The following PPP2CB variants were observed in gnomAD, a reference collection of about 807,000 sequenced individuals.
PPP2CB encodes protein phosphatase 2 catalytic subunit beta.
Under a neutral mutation model 39.1 loss-of-function variants are expected in PPP2CB, and 18 were observed. The ratio of observed to expected loss-of-function variants is 0.46; its 90% CI spans 0.32 to 0.68. The LOEUF (loss-of-function observed/expected upper bound fraction) is 0.68. Among genes scored for constraint, PPP2CB ranks in the 30% least tolerant of loss-of-function variants. The probability of loss-of-function intolerance (pLI) is 0.04; values close to 1 mark genes in which losing one functional copy is unlikely to be tolerated. For missense variants in PPP2CB, 226 were observed against 396.9 expected (o/e 0.57, Z 3.66); for synonymous variants, 129 against 133.8 (o/e 0.96, Z 0.25).
intron 3 of PPP2CB, among the ~76,000 whole-genome samples, chr8:30,796,872 GGGTTTT>G (rs1343677263): frequency 1.3e-5 from 2 of 152,148 alleles, no homozygotes; most frequent in African/African-American, 4.8e-5. Flanking sequence ...CTTTGAGATG[GGGTTTT>G]GCTGTTGCCC....
rs1387855503 is a variant in PPP2CB at position 30,788,610 on chromosome 8, T to C, written c.858-2303A>G. On this transcript the variant is annotated intron_variant, in intron 6 of 6. Coordinates refer to ENST00000221138, the MANE Select transcript of PPP2CB (RefSeq NM_001009552.2). Reference sequence around the variant, plus strand: ...GGAGAATATCCTTTTAAGAATCTAATCTTCTTAAATTGCCTGAGGCATGTT... The same window carrying C: ...GGAGAATATCCTTTTAAGAATCTAACCTTCTTAAATTGCCTGAGGCATGTT... 2.6e-5 allele frequency among the ~76,000 whole-genome samples: 4 copies of C among 152,244 alleles called. No individual in the cohort carries two copies. The South Asian group carries it at 6.2e-4, about 24-fold the overall frequency.
chr8:30,808,922 CTTTTTTTTTTTT>C (rs34287210), intron 1 of PPP2CB, among the ~76,000 whole-genome samples: 12,436 of 116,952 alleles, frequency 0.11, 624 homozygotes, highest in Middle Eastern at 0.15. Flanking sequence ...TTTACATGGC[CTTTTTTTTTTTT>C]TTTTTTTTTT....
chr8:30,799,717 C>A lies in PPP2CB; in HGVS notation c.141G>T (p.Glu47Asp), dbSNP rs1483776675. 4 of 1,613,832 alleles carry A rather than the reference C, an allele frequency of 2.5e-6. No individual in the cohort carries two copies. The highest frequency in any genetic ancestry group is 3.4e-6 in the Non-Finnish European group (4 of 1,179,962). The change falls in exon 2 of 7, where the codon GAG (glutamate) becomes GAT (aspartate). Residue 47 changes from glutamate to aspartate, a missense_variant. By Grantham distance (45) the Glu-to-Asp change is conservative. This residue lies in a region of PPP2CB where 110 missense variants were observed against 244.1 expected (regional missense o/e 0.45). Coordinates refer to ENST00000221138, the MANE Select transcript of PPP2CB (RefSeq NM_001009552.2). ...EILTKESNVQ[E>D]VRCPVTVCGD... ...CACAGACAGTAACAGGGCAACGAAC[C>A]TCTTGCACATTTGATTCTTTTGTTA... is the stretch of plus-strand genomic sequence containing the variant.
chr8:30,793,970 T>G lies in PPP2CB; in HGVS notation c.685A>C (p.Asn229His). The change falls in exon 5 of 7, where the codon AAC becomes CAC. Residue 229 changes from asparagine to histidine, a missense_variant. By Grantham distance (68) the Asn-to-His change is moderately conservative. Around this residue, in one of 4 missense-constraint regions of PPP2CB, gnomAD observed 110 missense variants for 244.1 expected, o/e 0.45. Coordinates refer to ENST00000221138, the MANE Select transcript of PPP2CB (RefSeq NM_001009552.2). The part of the protein sequence containing the change: ...TFGQDISETF[N>H]HANGLTLVSR... ...ACCAGTGTGAGACCATTGGCATGGT[T>G]AAAGGTTTCAGAAATGTCTTGTCCA... The G allele has an allele frequency of 6.2e-7, 1 of 1,614,044 alleles. No homozygotes were observed. The highest frequency in any genetic ancestry group is 8.5e-7 in the Non-Finnish European group (1 of 1,179,982).
intron 6 of PPP2CB, among the ~76,000 whole-genome samples, chr8:30,789,051 T>C (rs1227095587): frequency 2.5e-5 from 3 of 119,238 alleles, no homozygotes. Flanking sequence ...TGTTTTTACT[T>C]TTTTTTTTTT....
chr8:30,806,609 A>C lies in PPP2CB; in HGVS notation c.102+5711T>G, dbSNP rs559682058. The stretch of plus-strand genomic sequence containing the variant: ...TATCATTCTTCTTAGAAAAAACTAC[A>C]TTCAGAAAACAATCTAGGAAAATTA... On this transcript the variant is annotated intron_variant, in intron 1 of 6. Transcript: ENST00000221138. 9.5e-4 allele frequency among the ~76,000 whole-genome samples: 145 copies of C among 152,340 alleles called. 1 individual carries two copies. The South Asian group carries it at 0.019, about 20-fold the overall frequency.
Position 30,812,409 on chromosome 8 carries a change from C to G in PPP2CB, c.13G>C (p.Ala5Pro), listed in dbSNP as rs1248095934. The G allele has an allele frequency of 6.5e-7, 1 of 1,537,758 alleles. No homozygotes were observed. Among genetic ancestry groups the G allele is most frequent in the African/African-American group, 1.4e-5 (1 of 70,640 alleles). Residue 5 changes from alanine to proline, a missense_variant, in exon 1 of 7, where the codon GCG becomes CCG. Around this residue, in one of 4 missense-constraint regions of PPP2CB, gnomAD observed 59 missense variants for 42.6 expected, o/e 1.38. Coordinates refer to ENST00000221138, the MANE Select transcript of PPP2CB (RefSeq NM_001009552.2). MDDK[A>P]FTKELDQWVE... ...CACTGGTCCAGCTCCTTGGTGAACG[C>G]CTTGTCGTCCATGGCGGCCCGATCC...
At chr8:30,809,269 C>G (rs1273905719) in intron 1 of PPP2CB, among the ~76,000 whole-genome samples, 2 of 152,038 alleles carry the variant, frequency 1.3e-5, no homozygotes, top group Non-Finnish European at 2.9e-5. Flanking sequence ...TACATATTAT[C>G]TCTGTCATAA....
In PPP2CB at chr8:30,812,456, G is replaced by T; in HGVS notation, c.-35C>A. 7.0e-7 allele frequency: 1 copy of T among 1,433,098 alleles called. No individual in the cohort carries two copies. Among genetic ancestry groups the T allele is most frequent in the Non-Finnish European group, 9.3e-7 (1 of 1,079,580 alleles). 88.8% of individuals were successfully genotyped at this position (1,433,098 alleles called of 1,614,324 possible). ...ATCCCGATGCGGATCCCGAGCCCCA[G>T]CCCGGCCGCCGCCCTCCCCCCTCCC... On this transcript the variant is annotated 5_prime_UTR_variant, in exon 1 of 7. It adds an upstream start codon to the 5' untranslated region. Coordinates refer to ENST00000221138, the MANE Select transcript of PPP2CB (RefSeq NM_001009552.2).
chr8:30,812,093 G>C (rs1334859600), intron 1 of PPP2CB, among the ~76,000 whole-genome samples: 3 of 152,042 alleles, frequency 2.0e-5, no homozygotes, highest in Non-Finnish European at 4.4e-5. Context: ...CTGGGCAGCC[G>C]GCCGGGGGCG....
At chr8:30,806,673 A>G (rs1774732054) in intron 1 of PPP2CB, among the ~76,000 whole-genome samples, 1 of 152,228 alleles carries the variant, frequency 6.6e-6, no homozygotes, top group African/African-American at 2.4e-5. Context: ...TGGCATTTTC[A>G]TTTCCTTTTA....
At position 30,797,565 on chromosome 8, in the gene PPP2CB, G is replaced by C. The variant is rs761073904; in HGVS notation, c.486+16C>G. On this transcript the variant is annotated intron_variant, in intron 3 of 6. Coordinates refer to ENST00000221138, the MANE Select transcript of PPP2CB (RefSeq NM_001009552.2). ...CCATTTACCTCCTCCCAAGATGTAA[G>C]CACACATATACATACCTGTCCATCT... 22 of 1,583,628 alleles carry C rather than the reference G, an allele frequency of 1.4e-5. No individual in the cohort carries two copies. In the South Asian group the frequency reaches 2.3e-4, roughly 16 times the overall value.
chr8:30,803,854 T>C (rs540192709), intron 1 of PPP2CB, among the ~76,000 whole-genome samples: 445 of 151,914 alleles, frequency 2.9e-3, no homozygotes, highest in Middle Eastern at 6.8e-3. Context: ...TCCTGCTCTG[T>C]CGTCCAGGCT....
intron 6 of PPP2CB, chr8:30,790,864 G>C (rs1806417125): frequency 4.8e-6 from 1 of 206,574 alleles, no homozygotes; most frequent in Non-Finnish European, 9.6e-6. Flanking sequence ...ACCCAGCGTA[G>C]AGCGCCTGTA....
chr8:30,812,504 G>A lies in PPP2CB; in HGVS notation c.-83C>T, dbSNP rs867304211. 3 of 891,130 alleles carry A rather than the reference G, an allele frequency of 3.4e-6. No homozygotes were observed. Among genetic ancestry groups the A allele is most frequent in the Non-Finnish European group, 4.3e-6 (3 of 693,438 alleles). 55.2% of individuals were successfully genotyped at this position (891,130 alleles called of 1,614,324 possible). A position where few individuals can be genotyped will look rare whatever the true frequency, so the allele number is the denominator to read the frequency against. On this transcript the variant is annotated 5_prime_UTR_variant, in exon 1 of 7. Coordinates refer to ENST00000221138, the MANE Select transcript of PPP2CB (RefSeq NM_001009552.2). ...CCCCACCCGCCCCCGGCCCCGGCCC[G>A]GGCGCCGCTCCCCTCTCCCTCCGCC...
intron 1 of PPP2CB, among the ~76,000 whole-genome samples, chr8:30,803,720 A>G (rs1318585389): frequency 6.6e-6 from 1 of 152,190 alleles, no homozygotes; most frequent in Non-Finnish European, 1.5e-5. Context: ...GCACAGTAAA[A>G]ATTATACACA....
intron 3 of PPP2CB, chr8:30,794,556 CTTT>C: frequency 8.1e-6 from 2 of 247,214 alleles, no homozygotes; most frequent in Non-Finnish European, 1.4e-5. Context: ...CATTAAATTT[CTTT>C]CTTTCTTTTT....
At chr8:30,802,645 A>G (rs1463474494) in intron 1 of PPP2CB, among the ~76,000 whole-genome samples, 4 of 152,204 alleles carry the variant, frequency 2.6e-5, no homozygotes, top group Non-Finnish European at 5.9e-5. Flanking sequence ...GTGACTGGCC[A>G]ATGCTCGAAA....
chr8:30,791,947 T>C (rs994399431), intron 5 of PPP2CB, among the ~76,000 whole-genome samples: 3 of 145,780 alleles, frequency 2.1e-5, no homozygotes, highest in Admixed American at 6.9e-5. Context: ...TACATGTATG[T>C]GTGCGCATAT....
Sources: gnomAD v4.1 joint callset for allele counts (sites outside exome capture counted in the v4.1 genomes callset) on GRCh38, gnomAD v4.1.1 for gene constraint, gnomAD v4.1.1 regional missense constraint, MANE v1.5 for transcripts, NCBI Gene and HGNC (gene_info 2026-07-23, HGNC 2026-07-21) for gene names.